ZNF536: variants seen among roughly 807,000 people sequenced by gnomAD.
ZNF536 encodes zinc finger protein 536.
Under a neutral mutation model 84.5 loss-of-function variants are expected in ZNF536, and 13 were observed. The ratio of observed to expected loss-of-function variants is 0.15; its 90% CI spans 0.10 to 0.24. The LOEUF (loss-of-function observed/expected upper bound fraction) is 0.24. Among genes scored for constraint, ZNF536 ranks in the 10% least tolerant of loss-of-function variants. ZNF536 has a pLI of 1.00. For missense variants in ZNF536, 1,536 were observed against 1,747.5 expected, an observed-to-expected ratio of 0.88 and a Z score of 2.16; for synonymous variants, 811 against 742.5, an observed-to-expected ratio of 1.09 and a Z score of -1.50.
intron 4 of ZNF536, among the ~76,000 whole-genome samples, chr19:30,550,010 G>C (rs1408489889): frequency 6.6e-6 from 1 of 152,182 alleles, no homozygotes; most frequent in Admixed American, 6.5e-5. Flanking sequence ...ACAACAGTAT[G>C]GAAATAAAGC....
chr19:30,319,144 G>A (rs149915668), intron 2 of ZNF536, among the ~76,000 whole-genome samples: 6 of 152,318 alleles, frequency 3.9e-5, no homozygotes, highest in African/African-American at 1.4e-4. Context: ...ATGGCCACAA[G>A]TGTATTCTGG....
At chr19:30,359,061 G>T (rs570961801) in intron 3 of ZNF536, among the ~76,000 whole-genome samples, 1 of 150,728 alleles carries the variant, frequency 6.6e-6, no homozygotes, top group East Asian at 1.9e-4. Context: ...TCCATCCATT[G>T]CAGCCGCCTA....
intron 3 of ZNF536, among the ~76,000 whole-genome samples, chr19:30,361,228 C>T (rs186610137): frequency 1.5e-3 from 222 of 152,358 alleles, no homozygotes; most frequent in African/African-American, 4.7e-3. Context: ...ATTCGGCACC[C>T]GACGGGAGAA....
At chr19:30,325,209 C>G (rs769442287) in intron 2 of ZNF536, among the ~76,000 whole-genome samples, 1 of 152,208 alleles carries the variant, frequency 6.6e-6, no homozygotes, top group Admixed American at 6.5e-5. Context: ...CTTCTGGGGG[C>G]TCCAGCACCA....
At chr19:30,562,681 C>T (rs2046215189), downstream of ZNF536, among the ~76,000 whole-genome samples, 1 of 151,980 alleles carries the variant, frequency 6.6e-6, no homozygotes, top group Non-Finnish European at 1.5e-5. Flanking sequence ...ATAAAAGTGC[C>T]TCCTGCTTTC....
chr19:30,312,278 C>T (rs2046531447), intron 2 of ZNF536, among the ~76,000 whole-genome samples: 1 of 151,944 alleles, frequency 6.6e-6, no homozygotes, highest in African/African-American at 2.4e-5. Context: ...TGTGGGCACC[C>T]CAGGATGAAC....
intron 1 of ZNF536, among the ~76,000 whole-genome samples, chr19:30,693,586 T>TAA (rs11419641): frequency 4.2e-4 from 63 of 149,198 alleles, no homozygotes; most frequent in African/African-American, 1.1e-3. Flanking sequence ...TGTGACTTCA[T>TAA]AAAAAAAAAA....
rs1457256123 is a variant in ZNF536, at chr19:30,349,053, A to G, written c.-119-3315A>G. ...CACCAAATGAGTGAGGATGAAACAT[A>G]CTGTGTCTTCTGCCTCAAGTGCTGA... is the stretch of plus-strand genomic sequence containing the variant. On this transcript the variant is annotated intron_variant, in intron 2 of 5. Coordinates refer to the ZNF536 transcript ENST00000585628. 2.0e-5 allele frequency among the ~76,000 whole-genome samples: 3 copies of G among 152,164 alleles called. No individual in the cohort carries two copies. The East Asian group carries it at 5.8e-4, about 29-fold the overall frequency.
chr19:30,301,606 CT>C (rs1163060494), intron 2 of ZNF536, among the ~76,000 whole-genome samples: 3 of 152,184 alleles, frequency 2.0e-5, no homozygotes, highest in Non-Finnish European at 4.4e-5. Flanking sequence ...TTTCTCAGCC[CT>C]AACTGGTGGT....
At chr19:30,415,460 T>C (rs1200941787) in intron 1 of ZNF536, among the ~76,000 whole-genome samples, 1 of 151,370 alleles carries the variant, frequency 6.6e-6, no homozygotes. Context: ...TGGAGGTCTC[T>C]TCTTGATGTG....
intron 1 of ZNF536, among the ~76,000 whole-genome samples, chr19:30,663,384 T>C (rs2050194032): frequency 6.6e-6 from 1 of 152,218 alleles, no homozygotes; most frequent in African/African-American, 2.4e-5. Context: ...CTGCAGGATA[T>C]GGTATATGCA....
intron 1 of ZNF536, among the ~76,000 whole-genome samples, chr19:30,281,744 C>T (rs1332177398): frequency 6.6e-6 from 1 of 152,114 alleles, no homozygotes; most frequent in Non-Finnish European, 1.5e-5. Flanking sequence ...TGTGGAGGTT[C>T]CCTTATTTTG....
intron 1 of ZNF536, among the ~76,000 whole-genome samples, chr19:30,375,456 C>T (rs1020104864): frequency 7.2e-5 from 11 of 152,146 alleles, no homozygotes; most frequent in Non-Finnish European, 1.5e-4. Context: ...CCGACCCGGG[C>T]GCGCCCCCGG....
At chr19:30,686,655 G>C (rs1024938546) in intron 1 of ZNF536, among the ~76,000 whole-genome samples, 2 of 152,082 alleles carry the variant, frequency 1.3e-5, no homozygotes, top group African/African-American at 2.4e-5. Flanking sequence ...GCCGGCTCCC[G>C]CGGGCTGTCA....
intron 2 of ZNF536, among the ~76,000 whole-genome samples, chr19:30,504,080 GC>G (rs2055060290): frequency 6.6e-6 from 1 of 151,982 alleles, no homozygotes; most frequent in South Asian, 2.1e-4. Context: ...AATACCACAA[GC>G]AAAAGGAAAA....
chr19:30,405,247 AG>A (rs1388297555), intron 1 of ZNF536, among the ~76,000 whole-genome samples: 1 of 152,206 alleles, frequency 6.6e-6, no homozygotes, highest in Non-Finnish European at 1.5e-5. Flanking sequence ...AGATGGGGGA[AG>A]ATTAGAGTCC....
chr19:30,471,870 A>T (rs1259993853), intron 2 of ZNF536, among the ~76,000 whole-genome samples: 1 of 152,154 alleles, frequency 6.6e-6, no homozygotes, highest in Non-Finnish European at 1.5e-5. Context: ...AAGTTTTTTT[A>T]AAATTATTTT....
At chr19:30,402,929 A>C (rs1412848999) in intron 1 of ZNF536, among the ~76,000 whole-genome samples, 1 of 151,610 alleles carries the variant, frequency 6.6e-6, no homozygotes, top group African/African-American at 2.4e-5. Flanking sequence ...CAAAGGCTTT[A>C]TTGTGAGGCC....
intron 1 of ZNF536, among the ~76,000 whole-genome samples, chr19:30,621,296 A>T (rs1166175139): frequency 6.6e-6 from 1 of 152,090 alleles, no homozygotes; most frequent in Non-Finnish European, 1.5e-5. Flanking sequence ...CTCATAGATC[A>T]TTACAGATGC....
Sources: allele counts gnomAD v4.1 joint callset (sites outside exome capture counted in the v4.1 genomes callset), GRCh38; gene constraint gnomAD v4.1.1; transcripts MANE v1.5; gene names NCBI Gene and HGNC (gene_info 2026-07-23, HGNC 2026-07-21).